Variants in RASSF8 observed in about 807,000 individuals in gnomAD.
The protein encoded by RASSF8 is Ras association domain family member 8, also known as ras association domain-containing protein 8.
In RASSF8, 22 loss-of-function variants were observed where a neutral mutation model predicts 48.5. That is an observed-to-expected ratio of 0.45 (90% CI 0.32 to 0.65). The LOEUF (loss-of-function observed/expected upper bound fraction) is 0.65. Among genes scored for constraint, RASSF8 ranks in the 30% least tolerant of loss-of-function variants. The pLI is 0.03. For missense variants in RASSF8, 418 were observed against 489.2 expected (o/e 0.85, Z 1.37); for synonymous variants, 127 against 171.5 (o/e 0.74, Z 2.03).
chr12:26,013,430 A>G (rs1399565259), intron 2 of RASSF8, among the ~76,000 whole-genome samples: 1 of 152,212 alleles, frequency 6.6e-6, no homozygotes, highest in Admixed American at 6.5e-5. Flanking sequence ...TCAGGATTAT[A>G]TGGTGCTGTG....
exon 6 of RASSF8, chr12:26,079,095 C>A: frequency 2.0e-6 from 3 of 1,509,656 alleles, no homozygotes; most frequent in South Asian, 1.2e-5. Context: ...AAAGCTCAGG[C>A]AAGAAAAGCA....
chr12:26,044,350 G>A (rs1943328495), intron 2 of RASSF8, among the ~76,000 whole-genome samples: 1 of 152,194 alleles, frequency 6.6e-6, no homozygotes, highest in Non-Finnish European at 1.5e-5. Flanking sequence ...TAAACACATA[G>A]TGGAAGTCAG....
At chr12:26,040,089 CT>C (rs1176417908) in intron 2 of RASSF8, among the ~76,000 whole-genome samples, 1 of 152,166 alleles carries the variant, frequency 6.6e-6, no homozygotes, top group Admixed American at 6.5e-5. Flanking sequence ...TTAAGATTCA[CT>C]TAAACTGTGG....
At chr12:25,985,220 A>G (rs949500221) in intron 1 of RASSF8, among the ~76,000 whole-genome samples, 3 of 152,146 alleles carry the variant, frequency 2.0e-5, no homozygotes, top group Non-Finnish European at 2.9e-5. Flanking sequence ...TGGTTTGCTA[A>G]AGGTTTTTTG....
intron 2 of RASSF8, among the ~76,000 whole-genome samples, chr12:25,999,288 T>C (rs914091952): frequency 2.0e-5 from 3 of 152,198 alleles, no homozygotes; most frequent in African/African-American, 7.2e-5. Context: ...CCATGCTCTG[T>C]GATATTGATA....
chr12:26,025,359 C>T (rs1942884607), intron 2 of RASSF8, among the ~76,000 whole-genome samples: 1 of 151,896 alleles, frequency 6.6e-6, no homozygotes. Context: ...AGATCGAGAC[C>T]ATCCTGGCTA....
intron 2 of RASSF8, among the ~76,000 whole-genome samples, chr12:26,050,449 C>A (rs1276300964): frequency 6.6e-6 from 1 of 152,122 alleles, no homozygotes; most frequent in Non-Finnish European, 1.5e-5. Context: ...TTTGAAAAGA[C>A]ATTATTTCAT....
At chr12:26,029,557 C>T (rs1031808991) in intron 2 of RASSF8, among the ~76,000 whole-genome samples, 1 of 152,058 alleles carries the variant, frequency 6.6e-6, no homozygotes, top group African/African-American at 2.4e-5. Flanking sequence ...CTTCTGCCAC[C>T]GTGTTTAAAT....
chr12:26,013,533 A>C (rs543787013), intron 2 of RASSF8, among the ~76,000 whole-genome samples: 1 of 152,342 alleles, frequency 6.6e-6, no homozygotes, highest in East Asian at 1.9e-4. Context: ...CATAGTAATA[A>C]CACCTGGAGT....
chr12:25,958,516 G>A (rs1438397519), upstream of RASSF8: 2 of 150,948 alleles, frequency 1.3e-5, no homozygotes, highest in East Asian at 2.0e-4. Flanking sequence ...GGCCAGGCGC[G>A]GGCGGGGCGC....
At chr12:25,993,266 G>T (rs76040274) in intron 1 of RASSF8, among the ~76,000 whole-genome samples, 8,468 of 152,264 alleles carry the variant, frequency 0.056, 350 homozygotes, top group African/African-American at 0.12. Context: ...TTACATATGG[G>T]AGAATAAGCA....
intron 2 of RASSF8, among the ~76,000 whole-genome samples, chr12:26,039,766 G>T (rs1259846443): frequency 1.3e-5 from 2 of 152,190 alleles, no homozygotes; most frequent in Non-Finnish European, 1.5e-5. Context: ...TGACCTGGGA[G>T]TTGAGGCGAA....
At chr12:26,033,331 G>A (rs574827480) in intron 2 of RASSF8, among the ~76,000 whole-genome samples, 2 of 152,228 alleles carry the variant, frequency 1.3e-5, no homozygotes, top group African/African-American at 4.8e-5. Flanking sequence ...GATCTTTCAG[G>A]TCATAACAGA....
At chr12:26,055,597 T>TAA (rs1056716801) in intron 3 of RASSF8, 151 bp downstream of exon 3, 22 of 703,538 alleles carry the variant, frequency 3.1e-5, no homozygotes, top group African/African-American at 2.7e-4. Context: ...AGTTTGCCTG[T>TAA]GTTTAGGTAC....
At chr12:26,006,450 A>T (rs1942393774) in intron 2 of RASSF8, among the ~76,000 whole-genome samples, 1 of 152,186 alleles carries the variant, frequency 6.6e-6, no homozygotes, top group South Asian at 2.1e-4. Context: ...TATGTAAAGG[A>T]CTTAGCATGT....
chr12:25,988,228 C>T lies in RASSF8; in HGVS notation c.-202-6809C>T, dbSNP rs115634366. Among the ~76,000 whole-genome samples, 783 of 152,114 alleles carry T rather than the reference C, an allele frequency of 5.1e-3. 6 individuals carry two copies. The highest frequency in any genetic ancestry group is 0.011 in the African/African-American group (436 of 41,502). On this transcript the variant is annotated intron_variant, in intron 1 of 5. Coordinates refer to ENST00000689635, the MANE Select transcript of RASSF8 (RefSeq NM_001394098.1). The stretch of plus-strand genomic sequence containing the variant: ...TTTGAGCTTGCTTTTTTAGTAGGCT[C>T]TTTTTAAAATAAGTTTTTTTGAGAC...
intron 2 of RASSF8, among the ~76,000 whole-genome samples, chr12:26,005,596 C>CTAT (rs1224273215): frequency 6.6e-6 from 1 of 152,130 alleles, no homozygotes; most frequent in Non-Finnish European, 1.5e-5. Context: ...TTTGCAAAGG[C>CTAT]TATTTCTTTT....
At chr12:26,032,342 G>A (rs914180834) in intron 2 of RASSF8, among the ~76,000 whole-genome samples, 6 of 152,064 alleles carry the variant, frequency 3.9e-5, no homozygotes, top group African/African-American at 1.2e-4. Context: ...TATGTTTTTC[G>A]TACTCATAGC....
chr12:25,996,517 C>T (rs190845955), intron 2 of RASSF8, among the ~76,000 whole-genome samples: 18 of 152,238 alleles, frequency 1.2e-4, no homozygotes. Context: ...TGTTTTGTTT[C>T]TCTGGATCAC....
Sources: gnomAD v4.1 joint callset for allele counts (sites outside exome capture counted in the v4.1 genomes callset) on GRCh38, gnomAD v4.1.1 for gene constraint, MANE v1.5 for transcripts, NCBI Gene and HGNC (gene_info 2026-07-23, HGNC 2026-07-21) for gene names.